Variants in NUDCD1 observed in about 807,000 individuals in gnomAD.
NUDCD1 encodes nudC domain-containing protein 1.
NUDCD1 carries 60 observed loss-of-function variants against 67.8 expected under a neutral mutation model. The ratio of observed to expected loss-of-function variants is 0.88; its 90% CI spans 0.72 to 1.10. The LOEUF (loss-of-function observed/expected upper bound fraction) is 1.10, where lower values mean the gene tolerates loss of function less well. Ranked by LOEUF, NUDCD1 falls within the 50% of genes least tolerant of loss-of-function variation. The probability of loss-of-function intolerance (pLI) is 0.00; values close to 1 mark genes in which losing one functional copy is unlikely to be tolerated. For missense variants in NUDCD1, 643 were observed against 695.0 expected (o/e 0.93, Z 0.84); for synonymous variants, 244 against 230.8 (o/e 1.06, Z -0.52).
intron 5 of NUDCD1, among the ~76,000 whole-genome samples, chr8:109,285,104 C>T (rs2926277): frequency 0.64 from 96,612 of 151,848 alleles, 32,165 homozygotes; most frequent in African/African-American, 0.84. Context: ...TCTCCCAAGA[C>T]TGAATCAGAA....
intron 2 of NUDCD1, among the ~76,000 whole-genome samples, chr8:109,317,399 T>C (rs916109966): frequency 2.6e-5 from 4 of 152,158 alleles, no homozygotes; most frequent in African/African-American, 9.7e-5. Flanking sequence ...GGAGAACTGG[T>C]AGAGCACTGT....
Position 109,243,235 on chromosome 8 carries a change from G to A in NUDCD1, c.1526C>T (p.Ala509Val). ...TACTCGACGAAGGCACTCACAAAGG[G>A]CTGCATACGAGTAATTTGGAGCACA... ...FACAPNYSYA[A>V]LCECLRRVFI... The change falls in exon 10 of 10, where the codon GCC becomes GTC. Residue 509 changes from alanine (A) to valine (V), a missense_variant. Ala to Val is a moderately conservative substitution (Grantham distance 64). Coordinates refer to ENST00000239690, the MANE Select transcript of NUDCD1 (RefSeq NM_032869.4). 1 of 1,612,186 alleles carries A rather than the reference G, an allele frequency of 6.2e-7. No homozygotes were observed. Among genetic ancestry groups the A allele is most frequent in the Admixed American group, 1.7e-5 (1 of 59,966 alleles).
chr8:109,290,036 T>A lies in NUDCD1; in HGVS notation c.641-103A>T, dbSNP rs1409623963. On this transcript the variant is annotated intron_variant, in intron 4 of 9. Coordinates refer to ENST00000239690, the MANE Select transcript of NUDCD1 (RefSeq NM_032869.4). ...TTTAATTATAATTAAATAATTTGAA[T>A]GTATTATTAAAAGGTACACTATTAA... 10 of 559,298 alleles carry A rather than the reference T, an allele frequency of 1.8e-5. No individual in the cohort carries two copies. The East Asian group carries it at 2.9e-4, about 16-fold the overall frequency. The allele number at this position is 559,298 out of a possible 1,614,324, so 34.6% of individuals were successfully genotyped here.
intron 8 of NUDCD1, among the ~76,000 whole-genome samples, chr8:109,245,931 G>A (rs1813484381): frequency 6.6e-6 from 1 of 152,198 alleles, no homozygotes; most frequent in Non-Finnish European, 1.5e-5. Context: ...ATTACTGCCT[G>A]AGCTCCACCT....
chr8:109,332,900 G>A (rs1586320113), intron 1 of NUDCD1, among the ~76,000 whole-genome samples: 1 of 152,156 alleles, frequency 6.6e-6, no homozygotes, highest in African/African-American at 2.4e-5. Flanking sequence ...CAGATCCCCA[G>A]ACTAGTTTAG....
intron 2 of NUDCD1, among the ~76,000 whole-genome samples, chr8:109,299,211 T>C (rs946422041): frequency 7.2e-5 from 11 of 152,186 alleles, no homozygotes; most frequent in African/African-American, 1.9e-4. Context: ...AATCGCCAGC[T>C]GAACTTTGTA....
chr8:109,304,953 C>T (rs1310717637), intron 2 of NUDCD1, among the ~76,000 whole-genome samples: 1 of 152,186 alleles, frequency 6.6e-6, no homozygotes. Context: ...TCCTTCCAGC[C>T]TCACAGGCCC....
chr8:109,260,796 T>A (rs182758353), intron 8 of NUDCD1, among the ~76,000 whole-genome samples: 1 of 152,298 alleles, frequency 6.6e-6, no homozygotes, highest in East Asian at 1.9e-4. Context: ...ATTGCAATAT[T>A]TGCTTGATAC....
intron 2 of NUDCD1, among the ~76,000 whole-genome samples, chr8:109,308,428 C>T (rs1294809747): frequency 6.6e-6 from 1 of 151,960 alleles, no homozygotes; most frequent in South Asian, 2.1e-4. Context: ...ACTAGAAAAA[C>T]AAGAACAAAC....
chr8:109,243,551 G>A (rs118134944), intron 9 of NUDCD1, among the ~76,000 whole-genome samples: 59 of 152,170 alleles, frequency 3.9e-4, no homozygotes, highest in Non-Finnish European at 7.1e-4. Flanking sequence ...CAAAAAAAGC[G>A]TAATATAGCT....
chr8:109,295,705 T>G (rs1024218972), intron 3 of NUDCD1, among the ~76,000 whole-genome samples: 17 of 152,104 alleles, frequency 1.1e-4, no homozygotes, highest in African/African-American at 3.1e-4. Flanking sequence ...CTACAGAGAT[T>G]CAGACAGTAG....
At chr8:109,259,269 C>T (rs370692866) in intron 8 of NUDCD1, among the ~76,000 whole-genome samples, 2 of 152,204 alleles carry the variant, frequency 1.3e-5, no homozygotes, top group African/African-American at 4.8e-5. Context: ...CACATTTCCC[C>T]GTGGAAACTG....
At position 109,289,766 on chromosome 8, in the gene NUDCD1, A is replaced by G. The variant is rs1307620996; in HGVS notation, c.808T>C (p.Ser270Pro). The G allele has an allele frequency of 1.3e-6, 2 of 1,494,650 alleles. No individual in the cohort carries two copies. Among genetic ancestry groups the G allele is most frequent in the Admixed American group, 1.8e-5 (1 of 54,258 alleles). The allele number at this position is 1,494,650 out of a possible 1,614,324, so 92.6% of individuals were successfully genotyped here. A position where few individuals can be genotyped will look rare whatever the true frequency, so the allele number is the denominator to read the frequency against. The change falls in exon 5 of 10, where the codon TCA becomes CCA. Residue 270 changes from serine (S) to proline (P), a missense_variant. Ser to Pro is a moderately conservative substitution (Grantham distance 74). Coordinates refer to ENST00000239690, the MANE Select transcript of NUDCD1 (RefSeq NM_032869.4). ...DLEENMDEDISEKIKEPLYYW... is the reference protein window; with the variant it reads ...DLEENMDEDIPEKIKEPLYYW... ...TAAAAATTACCTTTGATTTTCTCTG[A>G]TATGTCTTCATCCATATTTTCTTCA...
intron 7 of NUDCD1, among the ~76,000 whole-genome samples, chr8:109,274,460 G>T (rs911989959): frequency 6.6e-6 from 1 of 152,118 alleles, no homozygotes; most frequent in Non-Finnish European, 1.5e-5. Context: ...CTGAATGAGC[G>T]AATATAAGGC....
chr8:109,301,616 G>A (rs537312171), intron 2 of NUDCD1, among the ~76,000 whole-genome samples: 15 of 152,288 alleles, frequency 9.8e-5, no homozygotes, highest in African/African-American at 3.6e-4. Context: ...CCAGCCCAAG[G>A]AACATCTCAC....
intron 5 of NUDCD1, among the ~76,000 whole-genome samples, chr8:109,282,217 C>A (rs896741020): frequency 4.7e-4 from 72 of 152,268 alleles, no homozygotes; most frequent in African/African-American, 1.7e-3. Flanking sequence ...GACAACTGTG[C>A]AATCCAAGAA....
intron 2 of NUDCD1, among the ~76,000 whole-genome samples, chr8:109,317,074 T>C (rs764701598): frequency 3.3e-5 from 5 of 152,214 alleles, no homozygotes; most frequent in Non-Finnish European, 7.3e-5. Flanking sequence ...CATGCAACTT[T>C]ATAGCAGCAT....
chr8:109,275,528 A>G (rs1454227662), intron 6 of NUDCD1, 32 bp from the exon 7 acceptor site: 4 of 1,562,870 alleles, frequency 2.6e-6, no homozygotes, highest in Non-Finnish European at 3.5e-6. Flanking sequence ...GTAATGTTAC[A>G]TTAAGCAATT....
chr8:109,242,188 A>G lies in NUDCD1; in HGVS notation c.*821T>C, dbSNP rs771775802. 1.5e-5 allele frequency: 6 copies of G among 397,798 alleles called. No individual in the cohort carries two copies. Among genetic ancestry groups the G allele is most frequent in the Non-Finnish European group, 2.2e-5 (5 of 225,438 alleles). The allele number at this position is 397,798 out of a possible 1,614,324, so 24.6% of individuals were successfully genotyped here. ...TGTGATTTGCTTTGTCCAATGGAAC[A>G]TTAGTAAATATGATAGATGTACAGG... On this transcript the variant is annotated 3_prime_UTR_variant, in exon 10 of 10. Transcript: ENST00000239690.
Sources: allele counts gnomAD v4.1 joint callset (sites outside exome capture counted in the v4.1 genomes callset), GRCh38; gene constraint gnomAD v4.1.1; transcripts MANE v1.5; gene names NCBI Gene and HGNC (gene_info 2026-07-23, HGNC 2026-07-21).